PHKB: variants seen among roughly 807,000 people sequenced by gnomAD.
PHKB encodes phosphorylase b kinase regulatory subunit beta.
PHKB carries 122 observed loss-of-function variants against 152.1 expected under a neutral mutation model. The observed-to-expected ratio is 0.80, with a 90% CI of 0.69 to 0.93. PHKB has a LOEUF of 0.93. PHKB is among the 40% of genes least tolerant of loss of function. The pLI, the probability that PHKB is intolerant of heterozygous loss-of-function variation, is 0.00. For synonymous variants in PHKB, 436 were observed against 464.9 expected, an observed-to-expected ratio of 0.94 and a Z score of 0.80; for missense variants, 1,304 against 1,328.4, an observed-to-expected ratio of 0.98 and a Z score of 0.29.
intron 6 of PHKB, among the ~76,000 whole-genome samples, chr16:47,543,093 A>T (rs981898792): frequency 1.3e-5 from 2 of 152,182 alleles, no homozygotes; most frequent in Non-Finnish European, 2.9e-5. Context: ...TTCAAAGGGA[A>T]TGCTTCCAGT....
chr16:47,503,103 G>T lies in PHKB; in HGVS notation c.405+13G>T. Reference sequence around the variant, plus strand: ...TCAGGCCGATAAGGTAAAACATTGTGGTGTGGACGGGAATTCTCCCATCAT... The same window carrying T: ...TCAGGCCGATAAGGTAAAACATTGTTGTGTGGACGGGAATTCTCCCATCAT... On this transcript the variant is annotated intron_variant, in intron 4 of 30. Transcript: ENST00000323584. 4.1e-6 allele frequency: 6 copies of T among 1,451,932 alleles called. No individual in the cohort carries two copies. Among genetic ancestry groups the T allele is most frequent in the Non-Finnish European group, 5.8e-6 (6 of 1,032,270 alleles). 89.9% of individuals were successfully genotyped at this position (1,451,932 alleles called of 1,614,324 possible). A position where few individuals can be genotyped will look rare whatever the true frequency, so the allele number is the denominator to read the frequency against.
chr16:47,565,364 G>C, intron 7 of PHKB: 1 of 922,094 alleles, frequency 1.1e-6, no homozygotes, highest in South Asian at 1.3e-5. Context: ...TCCTTCCTCA[G>C]ATGGTTGAGC....
intron 26 of PHKB, among the ~76,000 whole-genome samples, chr16:47,678,169 T>C (rs1973771722): frequency 6.6e-6 from 1 of 152,032 alleles, no homozygotes; most frequent in Non-Finnish European, 1.5e-5. Flanking sequence ...CAGTCTATCA[T>C]TGTTGGACAT....
At chr16:47,581,373 A>G (rs139300029) in intron 8 of PHKB, among the ~76,000 whole-genome samples, 1 of 152,312 alleles carries the variant, frequency 6.6e-6, no homozygotes, top group East Asian at 1.9e-4. Flanking sequence ...TGGATCACCC[A>G]TTTTCATATT....
At chr16:47,633,461 A>T (rs1289963305) in intron 14 of PHKB, among the ~76,000 whole-genome samples, 1 of 152,210 alleles carries the variant, frequency 6.6e-6, no homozygotes, top group African/African-American at 2.4e-5. Context: ...TCTAAAAGCT[A>T]AATAACCCTT....
At chr16:47,620,166 T>G (rs1212889383) in intron 14 of PHKB, among the ~76,000 whole-genome samples, 2 of 152,238 alleles carry the variant, frequency 1.3e-5, no homozygotes, top group South Asian at 2.1e-4. Context: ...TAGATGTTGT[T>G]GGATGCAGCA....
At chr16:47,553,792 G>A (rs1278336565) in intron 7 of PHKB, among the ~76,000 whole-genome samples, 2 of 152,140 alleles carry the variant, frequency 1.3e-5, no homozygotes, top group Non-Finnish European at 2.9e-5. Context: ...AACAGTCAGG[G>A]CCCTCTGCCA....
At chr16:47,649,822 A>G (rs1332327866) in intron 18 of PHKB, among the ~76,000 whole-genome samples, 1 of 152,266 alleles carries the variant, frequency 6.6e-6, no homozygotes, top group Non-Finnish European at 1.5e-5. Flanking sequence ...ATATATGTAA[A>G]GTACTAAGAA....
rs574846336 is a variant in PHKB, at chr16:47,679,690, A to G, written c.2631-9351A>G. On this transcript the variant is annotated intron_variant, in intron 26 of 30. Coordinates refer to ENST00000323584, the MANE Select transcript of PHKB (RefSeq NM_000293.3). The stretch of plus-strand genomic sequence containing the variant: ...TTGGGCTAAGACAATGGGGTTTTCT[A>G]GATATACAGTCATGTCATCTGCAAA... Among the ~76,000 whole-genome samples the G allele has an allele frequency of 5.9e-5, 9 of 152,324 alleles. No individual in the cohort carries two copies. The South Asian group carries it at 1.9e-3, about 32-fold the overall frequency.
At chr16:47,510,486 C>A (rs1292961072) in intron 4 of PHKB, among the ~76,000 whole-genome samples, 1 of 152,146 alleles carries the variant, frequency 6.6e-6, no homozygotes, top group Non-Finnish European at 1.5e-5. Flanking sequence ...ATTCTTTTTG[C>A]CCCTGTTGCT....
chr16:47,469,366 G>A (rs749976124), intron 1 of PHKB, among the ~76,000 whole-genome samples: 69 of 152,146 alleles, frequency 4.5e-4, no homozygotes, highest in Non-Finnish European at 7.5e-4. Context: ...CCCAAAAACA[G>A]TGGGTTGGAT....
chr16:47,529,012 A>G (rs752034538), intron 6 of PHKB, among the ~76,000 whole-genome samples: 1 of 152,074 alleles, frequency 6.6e-6, no homozygotes, highest in Non-Finnish European at 1.5e-5. Context: ...TTTTATACAC[A>G]AAAAATGCTG....
At chr16:47,593,115 G>C (rs1245541308) in intron 10 of PHKB, among the ~76,000 whole-genome samples, 1 of 149,756 alleles carries the variant, frequency 6.7e-6, no homozygotes, top group African/African-American at 2.5e-5. Context: ...AAAAAGAGGG[G>C]GGGGAGGGAG....
At chr16:47,648,670 GA>G in intron 17 of PHKB, 54 bp downstream of exon 17, 1 of 1,106,550 alleles carries the variant, frequency 9.0e-7, no homozygotes, top group Non-Finnish European at 1.4e-6. Flanking sequence ...ACCGCATACT[GA>G]AATGGTGCTT....
At chr16:47,477,934 C>T (rs973409302) in intron 1 of PHKB, among the ~76,000 whole-genome samples, 1 of 151,618 alleles carries the variant, frequency 6.6e-6, no homozygotes, top group Non-Finnish European at 1.5e-5. Flanking sequence ...CCTAAGATAC[C>T]GAGGAATTTG....
At chr16:47,533,064 G>T (rs796364964) in intron 6 of PHKB, among the ~76,000 whole-genome samples, 14 of 152,260 alleles carry the variant, frequency 9.2e-5, no homozygotes, top group African/African-American at 3.4e-4. Flanking sequence ...CTGCAAGCAG[G>T]TCATCCCATC....
chr16:47,555,979 GA>G (rs1227409073), intron 7 of PHKB, among the ~76,000 whole-genome samples: 2 of 152,170 alleles, frequency 1.3e-5, no homozygotes, highest in Non-Finnish European at 2.9e-5. Flanking sequence ...TCTCCTTGAA[GA>G]GGTCCTTCAT....
At chr16:47,526,760 G>T (rs1352432039) in intron 6 of PHKB, among the ~76,000 whole-genome samples, 1 of 152,180 alleles carries the variant, frequency 6.6e-6, no homozygotes, top group Non-Finnish European at 1.5e-5. Flanking sequence ...AGTGTTATTG[G>T]TGAGCAGTTT....
chr16:47,583,528 A>G (rs910861941), intron 8 of PHKB, among the ~76,000 whole-genome samples: 1 of 152,152 alleles, frequency 6.6e-6, no homozygotes, highest in African/African-American at 2.4e-5. Flanking sequence ...GGCCATTGGT[A>G]TAAGGTTTTG....
Sources: allele counts gnomAD v4.1 joint callset (sites outside exome capture counted in the v4.1 genomes callset), GRCh38; gene constraint gnomAD v4.1.1; transcripts MANE v1.5; gene names NCBI Gene and HGNC (gene_info 2026-07-23, HGNC 2026-07-21).